Variants in IGFL3 observed in about 807,000 individuals in gnomAD.
IGFL3 encodes insulin growth factor-like family member 3.
Under a neutral mutation model 17.0 loss-of-function variants are expected in IGFL3, and 12 were observed. That is an observed-to-expected ratio of 0.71 (90% confidence interval 0.45 to 1.14). The LOEUF (loss-of-function observed/expected upper bound fraction) is 1.14, where lower values mean the gene tolerates loss of function less well. IGFL3 is among the 50% of genes most tolerant of loss of function. IGFL3 has a pLI of 0.00. For synonymous variants in IGFL3, 52 were observed against 57.4 expected (o/e 0.91, Z 0.42); for missense variants, 153 against 151.6 (o/e 1.01, Z -0.05).
intron 3 of IGFL3, among the ~76,000 whole-genome samples, chr19:46,122,191 A>C (rs1035010386): frequency 6.6e-6 from 1 of 150,914 alleles, no homozygotes; most frequent in Non-Finnish European, 1.5e-5. Flanking sequence ...GACTTTCCCC[A>C]CATTGTTGAT....
In IGFL3 at chr19:46,120,229, A is replaced by G. The variant is rs1971677789; in HGVS notation, c.*101T>C. The G allele has an allele frequency of 1.3e-6, 2 of 1,550,306 alleles. No homozygotes were observed. The highest frequency in any genetic ancestry group is 2.3e-5 in the South Asian group (2 of 85,848). The stretch of plus-strand genomic sequence containing the variant: ...CTATGTCATTGAGCCATCCCTCTGA[A>G]GTCAAGTTGCTTCTCTCCGAAGTTC... On this transcript the variant is annotated 3_prime_UTR_variant, in exon 4 of 4. Transcript: ENST00000341415.
intron 3 of IGFL3, among the ~76,000 whole-genome samples, chr19:46,122,403 A>G (rs1971826465): frequency 6.6e-6 from 1 of 151,206 alleles, no homozygotes; most frequent in Non-Finnish European, 1.5e-5. Context: ...TGACCCTGTT[A>G]AAGATCAGCT....
Position 46,120,173 on chromosome 19 carries a change from TG to T in IGFL3, c.*156del. 1 of 1,036,272 alleles carries T rather than the reference TG, an allele frequency of 9.6e-7. No individual in the cohort carries two copies. Among genetic ancestry groups the T allele is most frequent in the Non-Finnish European group, 1.3e-6 (1 of 743,732 alleles). 64.2% of individuals were successfully genotyped at this position (1,036,272 alleles called of 1,614,324 possible). On this transcript the variant is annotated 3_prime_UTR_variant, in exon 4 of 4. Transcript: ENST00000341415. Reference sequence around the variant, plus strand: ...AGGAAGGCATTCTTCCCCTGAAGTCTGGCCATCCCCAGCTGGGCTCCTCTCC... The same window carrying T: ...AGGAAGGCATTCTTCCCCTGAAGTCTGCCATCCCCAGCTGGGCTCCTCTCC...
rs10406448 is a variant in IGFL3, at chr19:46,124,039, G to A, written c.197C>T (p.Thr66Ile). The change falls in exon 3 of 4, where the codon ACC (threonine) becomes ATC (isoleucine). Residue 66 changes from threonine (T) to isoleucine (I), a missense_variant. Physicochemically the swap from Thr to Ile is moderately conservative, Grantham distance 89. Coordinates refer to ENST00000341415, the MANE Select transcript of IGFL3 (RefSeq NM_207393.2). ...GGTGCAGGTGGAGCCACAGCGGCGG[G>A]TCTCCTTTAAGGATAAGATGGCATC... ...YDDAILSLKE[T>I]RRCGSTCTFW... The A allele has an allele frequency of 6.2e-7, 1 of 1,611,396 alleles. No homozygotes were observed. The highest frequency in any genetic ancestry group is 8.5e-7 in the Non-Finnish European group (1 of 1,179,652).
chr19:46,120,357 C>G lies in IGFL3; in HGVS notation c.351G>C (p.Arg117Ser). The change falls in exon 4 of 4, where the codon AGG (arginine) becomes AGC (serine). Residue 117 changes from arginine (R) to serine (S), a missense_variant and splice_region_variant. Transcript: ENST00000341415. ...ATGGGTACAGGACGTGCCTCCTGTT[C>G]CTATCACAGTGCCCCAAATCAAAGT... is the stretch of plus-strand genomic sequence containing the variant. ...HLSPISRSCT[R>S]NRRHVLYP 6.2e-7 allele frequency: 1 copy of G among 1,611,002 alleles called. No homozygotes were observed. The highest frequency in any genetic ancestry group is 8.5e-7 in the Non-Finnish European group (1 of 1,179,562).
At chr19:46,120,779 T>C (rs1179910082) in intron 3 of IGFL3, among the ~76,000 whole-genome samples, 1 of 150,858 alleles carries the variant, frequency 6.6e-6, no homozygotes, top group Non-Finnish European at 1.5e-5. Context: ...TAAAAAAATG[T>C]ATATTTCAAA....
chr19:46,123,358 T>C lies in IGFL3; in HGVS notation c.350+528A>G, dbSNP rs150699431. ...TTAAACTGACATTAACTAATAAAAA[T>C]ATGCTCAAATTTACTGACAGAATCA... is the stretch of plus-strand genomic sequence containing the variant. On this transcript the variant is annotated intron_variant, in intron 3 of 3. Coordinates refer to ENST00000341415, the MANE Select transcript of IGFL3 (RefSeq NM_207393.2). 4.5e-3 allele frequency among the ~76,000 whole-genome samples: 677 copies of C among 150,868 alleles called. 45 individuals carry two copies. Among genetic ancestry groups the C allele is most frequent in the African/African-American group, 0.016 (648 of 40,668 alleles).
At chr19:46,120,717 C>T (rs1320340496) in intron 3 of IGFL3, among the ~76,000 whole-genome samples, 1 of 150,820 alleles carries the variant, frequency 6.6e-6, no homozygotes, top group Non-Finnish European at 1.5e-5. Context: ...CAAGGAGATA[C>T]AGATATTATA....
At chr19:46,122,400 G>A (rs1382139083) in intron 3 of IGFL3, among the ~76,000 whole-genome samples, 1 of 151,108 alleles carries the variant, frequency 6.6e-6, no homozygotes, top group Non-Finnish European at 1.5e-5. Flanking sequence ...AGCTGACCCT[G>A]TTAAAGATCA....
At position 46,120,260 on chromosome 19, in the gene IGFL3, T is replaced by C; in HGVS notation, c.*70A>G. 1 of 1,602,948 alleles carries C rather than the reference T, an allele frequency of 6.2e-7. No homozygotes were observed. Among genetic ancestry groups the C allele is most frequent in the East Asian group, 2.3e-5 (1 of 43,900 alleles). On this transcript the variant is annotated 3_prime_UTR_variant, in exon 4 of 4. Coordinates refer to ENST00000341415, the MANE Select transcript of IGFL3 (RefSeq NM_207393.2). ...GTTGCTTCTCTCCGAAGTTCAACTG[T>C]AGTCTCCGATGTCCAGCTGCTTCGT...
chr19:46,123,836 C>A (rs755610514), intron 3 of IGFL3, 50 bp downstream of exon 3: 1 of 1,549,000 alleles, frequency 6.5e-7, no homozygotes, highest in Non-Finnish European at 8.7e-7. Flanking sequence ...CCTCTGTATC[C>A]CTCATCCCTC....
intron 3 of IGFL3, 55 bp downstream of exon 3, chr19:46,123,831 G>A: frequency 4.6e-6 from 7 of 1,538,316 alleles, no homozygotes; most frequent in South Asian, 2.5e-5. Context: ...CAAGCCCTCT[G>A]TATCCCTCAT....
rs1971963963 is a variant in IGFL3, at chr19:46,124,277, C to G, written c.70G>C (p.Gly24Arg). The G allele has an allele frequency of 1.2e-6, 2 of 1,610,724 alleles. No homozygotes were observed. The highest frequency in any genetic ancestry group is 2.7e-5 in the African/African-American group (2 of 73,758). The change falls in exon 2 of 4, where the codon GGA becomes CGA. Residue 24 changes from glycine to arginine, a missense_variant. Transcript: ENST00000341415. Reference sequence around the variant, plus strand: ...CCTGTCCTGTCCTTACCTGTAGTTCCTTTTGAACACTGGAGGAGGAAGACT... The same window carrying G: ...CCTGTCCTGTCCTTACCTGTAGTTCGTTTTGAACACTGGAGGAGGAAGACT... ...ITVFLLQCSK[G>R]TTDAPVGSGL...
intron 3 of IGFL3, 77 bp from the exon 4 acceptor site, chr19:46,120,434 T>G: frequency 1.3e-6 from 2 of 1,593,850 alleles, no homozygotes; most frequent in Non-Finnish European, 1.7e-6. Flanking sequence ...AAAAGCAATT[T>G]TAACAAACTT....
intron 1 of IGFL3, 49 bp downstream of exon 1, chr19:46,124,576 T>A: frequency 6.5e-7 from 1 of 1,544,236 alleles, no homozygotes; most frequent in South Asian, 1.1e-5. Context: ...GTTTGGGAGC[T>A]GCACTGGGAA....
intron 3 of IGFL3, among the ~76,000 whole-genome samples, chr19:46,120,578 A>G (rs369409788): frequency 6.0e-5 from 9 of 150,868 alleles, no homozygotes; most frequent in East Asian, 2.0e-4. Flanking sequence ...CCCAATAACA[A>G]AGAATTCCTC....
Position 46,120,244 on chromosome 19 carries a change from C to G in IGFL3, c.*86G>C. 6.3e-7 allele frequency: 1 copy of G among 1,586,916 alleles called. No homozygotes were observed. Among genetic ancestry groups the G allele is most frequent in the Non-Finnish European group, 8.6e-7 (1 of 1,166,870 alleles). On this transcript the variant is annotated 3_prime_UTR_variant, in exon 4 of 4. Coordinates refer to ENST00000341415, the MANE Select transcript of IGFL3 (RefSeq NM_207393.2). ...ATCCCTCTGAAGTCAAGTTGCTTCT[C>G]TCCGAAGTTCAACTGTAGTCTCCGA...
chr19:46,123,455 C>T (rs1361675710), intron 3 of IGFL3, among the ~76,000 whole-genome samples: 1 of 150,946 alleles, frequency 6.6e-6, no homozygotes, highest in African/African-American at 2.5e-5. Flanking sequence ...ATTACAAAGC[C>T]AGTCTTTCCC....
At chr19:46,122,667 C>T (rs1349090727) in intron 3 of IGFL3, among the ~76,000 whole-genome samples, 1 of 150,944 alleles carries the variant, frequency 6.6e-6, no homozygotes, top group East Asian at 2.0e-4. Flanking sequence ...AAGTTACATT[C>T]GGTTACTGTC....
Sources: gnomAD v4.1 joint callset for allele counts (sites outside exome capture counted in the v4.1 genomes callset) on GRCh38, gnomAD v4.1.1 for gene constraint, MANE v1.5 for transcripts, NCBI Gene and HGNC (gene_info 2026-07-23, HGNC 2026-07-21) for gene names.